The following SAAL1 variants were observed in gnomAD, a reference collection of about 807,000 sequenced individuals.
The protein encoded by SAAL1 is serum amyloid A like 1.
A neutral mutation model predicts 59.8 loss-of-function variants in SAAL1; 42 were observed. That is an observed-to-expected ratio of 0.70 (90% CI 0.55 to 0.91). SAAL1 has a LOEUF of 0.91. Among genes scored for constraint, SAAL1 ranks in the 40% least tolerant of loss-of-function variants. The pLI is 0.00. For synonymous variants in SAAL1, 191 were observed against 194.3 expected, an observed-to-expected ratio of 0.98 and a Z score of 0.14; for missense variants, 542 against 561.1, an observed-to-expected ratio of 0.97 and a Z score of 0.34.
intron 2 of SAAL1, among the ~76,000 whole-genome samples, chr11:18,102,697 G>C (rs1404386041): frequency 6.6e-6 from 1 of 152,100 alleles, no homozygotes; most frequent in Non-Finnish European, 1.5e-5. Context: ...ATGTCTTTTG[G>C]CCTCTATTTT....
intron 3 of SAAL1, among the ~76,000 whole-genome samples, chr11:18,092,812 G>C (rs547069635): frequency 3.4e-4 from 51 of 152,238 alleles, no homozygotes; most frequent in Non-Finnish European, 5.6e-4. Flanking sequence ...AATCTGGGAA[G>C]TTATTTGGAA....
chr11:18,082,533 C>T (rs529542612), intron 10 of SAAL1, among the ~76,000 whole-genome samples: 1 of 145,692 alleles, frequency 6.9e-6, no homozygotes, highest in African/African-American at 2.8e-5. Context: ...TTATATAAAA[C>T]CTGCTAAGGT....
Position 18,092,316 on chromosome 11 carries a change from A to C in SAAL1, c.342T>G (p.Cys114Trp). ...AGGCCATATTACCTAAAATTCCCAC[A>C]CAGATTTCCTGCCAAATCAAATTTT... is the stretch of plus-strand genomic sequence containing the variant. ...KSKCPRLREICVGILGNMACF... is the reference protein window; with the variant it reads ...KSKCPRLREIWVGILGNMACF... The change falls in exon 4 of 12, where the codon TGT (cysteine) becomes TGG (tryptophan). Residue 114 changes from cysteine to tryptophan, a missense_variant. Cys to Trp is a radical substitution (Grantham distance 215, BLOSUM62 -2). Transcript: ENST00000524803. 1.2e-5 allele frequency: 19 copies of C among 1,596,698 alleles called. No individual in the cohort carries two copies. The highest frequency in any genetic ancestry group is 1.6e-5 in the Non-Finnish European group (19 of 1,164,260).
chr11:18,087,304 A>G (rs1165648392), intron 7 of SAAL1, 79 bp from the exon 8 acceptor site: 2 of 872,672 alleles, frequency 2.3e-6, no homozygotes, highest in Non-Finnish European at 3.7e-6. Flanking sequence ...TTCAATAAAT[A>G]TTTATTACTC....
intron 10 of SAAL1, among the ~76,000 whole-genome samples, chr11:18,082,286 T>G (rs1848418907): frequency 6.6e-6 from 1 of 152,170 alleles, no homozygotes; most frequent in Admixed American, 6.6e-5. Context: ...GATAAATTAT[T>G]AAAAGGTAGG....
chr11:18,087,177 C>G lies in SAAL1; in HGVS notation c.819G>C (p.Leu273=). Residue 273 remains leucine (L), a synonymous_variant, in exon 8 of 12, where the codon CTG becomes CTC. Coordinates refer to ENST00000524803, the MANE Select transcript of SAAL1 (RefSeq NM_138421.3). Reference sequence around the variant, plus strand: ...GAATTCCATCATCCACTGTAGTAAGCAGTTGTAAAATGTGCATGTAAACAT... The same window carrying G: ...GAATTCCATCATCCACTGTAGTAAGGAGTTGTAAAATGTGCATGTAAACAT... ...WLDVYMHILQ[L]LTTVDDGIQA... is the part of the protein sequence containing the mutation. 6.2e-7 allele frequency: 1 copy of G among 1,613,524 alleles called. No homozygotes were observed. Among genetic ancestry groups the G allele is most frequent in the Non-Finnish European group, 8.5e-7 (1 of 1,179,490 alleles).
chr11:18,090,714 C>T, intron 4 of SAAL1: 1 of 404,848 alleles, frequency 2.5e-6, no homozygotes, highest in Non-Finnish European at 4.3e-6. Flanking sequence ...GTGTCCATTC[C>T]AAATCACAAT....
At chr11:18,090,098 C>A in intron 6 of SAAL1, 77 bp downstream of exon 6, 1 of 1,338,144 alleles carries the variant, frequency 7.5e-7, no homozygotes, top group African/African-American at 1.5e-5. Flanking sequence ...AAGGTGACTT[C>A]TAGAAATAGT....
rs1393157595 is a variant in SAAL1, at chr11:18,083,789, T to C, written c.1043-58A>G. 8.7e-6 allele frequency: 10 copies of C among 1,151,092 alleles called. No homozygotes were observed. In the African/African-American group the frequency reaches 1.2e-4, roughly 14 times the overall value. The allele number at this position is 1,151,092 out of a possible 1,614,324, so 71.3% of individuals were successfully genotyped here. A position where few individuals can be genotyped will look rare whatever the true frequency, so the allele number is the denominator to read the frequency against. ...CCAGTTAAGTTTGGTTTTTCATTCA[T>C]ATGTATTGAATTAGTGCTAGACATT... On this transcript the variant is annotated intron_variant, in intron 9 of 11. Transcript: ENST00000524803.
chr11:18,084,782 G>T (rs894657643), intron 9 of SAAL1, among the ~76,000 whole-genome samples: 6 of 152,040 alleles, frequency 3.9e-5, no homozygotes, highest in African/African-American at 1.4e-4. Context: ...TTTTGGAGGG[G>T]GGGTGCGGAG....
At chr11:18,085,855 A>AT (rs1444550143) in intron 9 of SAAL1, among the ~76,000 whole-genome samples, 7 of 152,214 alleles carry the variant, frequency 4.6e-5, no homozygotes. Context: ...GAAAAAACTG[A>AT]TACCACTAGA....
chr11:18,101,236 T>C (rs759651570), intron 2 of SAAL1, among the ~76,000 whole-genome samples: 1 of 151,834 alleles, frequency 6.6e-6, no homozygotes. Flanking sequence ...TCTTAAAAAG[T>C]TAAGCATACA....
chr11:18,096,677 G>A (rs981583003), intron 3 of SAAL1, 94 bp downstream of exon 3: 16 of 734,774 alleles, frequency 2.2e-5, no homozygotes, highest in African/African-American at 2.1e-4. Context: ...TTTATGGTCA[G>A]TAAGAAAATC....
At chr11:18,100,084 AAG>A (rs1487672435) in intron 2 of SAAL1, among the ~76,000 whole-genome samples, 1 of 152,210 alleles carries the variant, frequency 6.6e-6, no homozygotes, top group African/African-American at 2.4e-5. Context: ...CTTTCACCCT[AAG>A]AGTTCATTTA....
chr11:18,101,951 T>C (rs1848638618), intron 2 of SAAL1, among the ~76,000 whole-genome samples: 1 of 152,122 alleles, frequency 6.6e-6, no homozygotes, highest in Admixed American at 6.6e-5. Flanking sequence ...CATACTAATC[T>C]GTAGTGACAG....
At chr11:18,097,838 GA>G (rs3993315) in intron 2 of SAAL1, among the ~76,000 whole-genome samples, 50,429 of 139,716 alleles carry the variant, frequency 0.36, 9,281 homozygotes, top group African/African-American at 0.49. Flanking sequence ...AGAAAAAAAG[GA>G]AAAAAAAAAA....
chr11:18,097,446 C>A lies in SAAL1; in HGVS notation c.250-592G>T, dbSNP rs529686934. 2.6e-5 allele frequency among the ~76,000 whole-genome samples: 4 copies of A among 152,250 alleles called. No individual in the cohort carries two copies. The South Asian group carries it at 8.3e-4, about 32-fold the overall frequency. On this transcript the variant is annotated intron_variant, in intron 2 of 11. Coordinates refer to ENST00000524803, the MANE Select transcript of SAAL1 (RefSeq NM_138421.3). ...ACTCTTTTCTGCCCGAATCTATTTA[C>A]CTTAATAATTTTTCTGCCCACTAGG...
In SAAL1 at chr11:18,088,450, G is replaced by C. The variant is rs562212565; in HGVS notation, c.770+880C>G. Among the ~76,000 whole-genome samples, 21 of 152,284 alleles carry C rather than the reference G, an allele frequency of 1.4e-4. No individual in the cohort carries two copies. In the South Asian group the frequency reaches 2.9e-3, roughly 21 times the overall value. On this transcript the variant is annotated intron_variant, in intron 7 of 11. Transcript: ENST00000524803. ...AGACCGAAGCATGAGAGTGAAATGA[G>C]TGCGTACTTTGCAAAAACAGCTTTA...
At chr11:18,086,355 T>C (rs1590284387) in intron 9 of SAAL1, among the ~76,000 whole-genome samples, 1 of 152,092 alleles carries the variant, frequency 6.6e-6, no homozygotes, top group African/African-American at 2.4e-5. Flanking sequence ...TGAGCTATGA[T>C]CCTGCCACTG....
Sources: gnomAD v4.1 joint callset for allele counts (sites outside exome capture counted in the v4.1 genomes callset) on GRCh38, gnomAD v4.1.1 for gene constraint, MANE v1.5 for transcripts, NCBI Gene and HGNC (gene_info 2026-07-23, HGNC 2026-07-21) for gene names.